WASHC4: variants seen among roughly 807,000 people sequenced by gnomAD.
WASHC4 encodes WASH complex subunit 4.
In WASHC4, 86 loss-of-function variants were observed where a neutral mutation model predicts 166.6. That is an observed-to-expected ratio of 0.52 (90% CI 0.43 to 0.62). WASHC4 has a LOEUF of 0.62. Among genes scored for constraint, WASHC4 ranks in the 20% least tolerant of loss-of-function variants. WASHC4 has a pLI of 0.00. For missense variants in WASHC4, 1,262 were observed against 1,382.4 expected, an observed-to-expected ratio of 0.91 and a Z score of 1.38; for synonymous variants, 446 against 451.6, an observed-to-expected ratio of 0.99 and a Z score of 0.16.
chr12:105,124,615 G>A (rs1036625422), intron 10 of WASHC4, among the ~76,000 whole-genome samples: 1 of 151,888 alleles, frequency 6.6e-6, no homozygotes, highest in Non-Finnish European at 1.5e-5. Flanking sequence ...CGAGTAGCTG[G>A]GATTACAGGC....
intron 22 of WASHC4, among the ~76,000 whole-genome samples, chr12:105,145,399 G>A (rs1158588929): frequency 6.6e-6 from 1 of 150,440 alleles, no homozygotes; most frequent in East Asian, 1.9e-4. Flanking sequence ...CAGATAATTT[G>A]CGTGGAGTTC....
At chr12:105,158,389 G>T (rs1320954289) in intron 28 of WASHC4, among the ~76,000 whole-genome samples, 1 of 152,124 alleles carries the variant, frequency 6.6e-6, no homozygotes, top group Non-Finnish European at 1.5e-5. Context: ...ACCAGTAATG[G>T]AGCAGACAGA....
rs1054455859 is a variant in WASHC4 at position 105,125,129 on chromosome 12, G to A, written c.787-875G>A. Reference sequence around the variant, plus strand: ...TACTTCAAGGTTACCTTTAGTTTATGTTTTACATGATCACAGTTTTTAACC... The same window carrying A: ...TACTTCAAGGTTACCTTTAGTTTATATTTTACATGATCACAGTTTTTAACC... On this transcript the variant is annotated intron_variant, in intron 10 of 32. Coordinates refer to ENST00000332180, the MANE Select transcript of WASHC4 (RefSeq NM_015275.3). Among the ~76,000 whole-genome samples the A allele has an allele frequency of 4.6e-5, 7 of 152,216 alleles. 1 individual carries two copies. The highest frequency in any genetic ancestry group is 1.3e-4 in the Admixed American group (2 of 15,304).
intron 26 of WASHC4, among the ~76,000 whole-genome samples, chr12:105,155,415 G>C (rs1259097043): frequency 6.6e-6 from 1 of 152,114 alleles, no homozygotes; most frequent in Non-Finnish European, 1.5e-5. Flanking sequence ...TTGAGAAATA[G>C]GGGCTGGAAT....
At chr12:105,124,904 ATAAAT>A (rs951819254) in intron 10 of WASHC4, among the ~76,000 whole-genome samples, 1 of 152,220 alleles carries the variant, frequency 6.6e-6, no homozygotes, top group Non-Finnish European at 1.5e-5. Context: ...TTAAATGTAA[ATAAAT>A]TAAAATGAAA....
rs1336902570 is a variant in WASHC4 at position 105,107,765 on chromosome 12, C to T, written c.-36C>T. 8 of 1,508,646 alleles carry T rather than the reference C, an allele frequency of 5.3e-6. No homozygotes were observed. Among genetic ancestry groups the T allele is most frequent in the Admixed American group, 2.0e-5 (1 of 50,524 alleles). The allele number at this position is 1,508,646 out of a possible 1,614,324, so 93.5% of individuals were successfully genotyped here. On this transcript the variant is annotated 5_prime_UTR_variant, in exon 1 of 33. Transcript: ENST00000332180. ...GGTGAGGCCGTCGTCGCCGCACGGG[C>T]TGGTTGGGGCTGTGTCTGTGGGAGG...
intron 15 of WASHC4, among the ~76,000 whole-genome samples, chr12:105,139,888 T>G (rs1882672041): frequency 6.7e-6 from 1 of 149,278 alleles, no homozygotes; most frequent in African/African-American, 2.4e-5. Context: ...CTTTGTAAGT[T>G]TTTTTTTTTT....
At chr12:105,147,743 TA>T in intron 24 of WASHC4, 1 of 359,682 alleles carries the variant, frequency 2.8e-6, no homozygotes, top group Non-Finnish European at 3.9e-6. Context: ...CCATCTCTAC[TA>T]AAAATACAAA....
chr12:105,141,637 C>A (rs1031511270), intron 18 of WASHC4, among the ~76,000 whole-genome samples: 1 of 152,144 alleles, frequency 6.6e-6, no homozygotes, highest in Non-Finnish European at 1.5e-5. Context: ...TTTTAAGACA[C>A]GAATTTGAAT....
rs371339591 is a variant in WASHC4, at chr12:105,118,494, G to A, written c.484G>A (p.Val162Ile). 3.3e-5 allele frequency: 54 copies of A among 1,613,410 alleles called. No homozygotes were observed. Among genetic ancestry groups the A allele is most frequent in the Non-Finnish European group, 4.4e-5 (52 of 1,179,458 alleles). Residue 162 changes from valine to isoleucine, a missense_variant, in exon 7 of 33, where the codon GTC (valine) becomes ATC (isoleucine). Val to Ile is a conservative substitution (Grantham distance 29, BLOSUM62 3). Coordinates refer to ENST00000332180, the MANE Select transcript of WASHC4 (RefSeq NM_015275.3). ...GTGCTATGAAGTGGTGATGAACGTA[G>A]TCCACCAGTTGGCTGCCCTCTATAT... ...TRCYEVVMNV[V>I]HQLAALYISN...
intron 26 of WASHC4, 60 bp downstream of exon 26, chr12:105,152,511 A>G (rs1376879869): frequency 4.3e-6 from 4 of 932,078 alleles, no homozygotes; most frequent in Non-Finnish European, 7.1e-6. Flanking sequence ...TATCTCATAT[A>G]TTAACTATTT....
chr12:105,156,989 CTT>C (rs750368674), intron 27 of WASHC4, among the ~76,000 whole-genome samples, 197 bp downstream of exon 27: 33 of 152,156 alleles, frequency 2.2e-4, no homozygotes, highest in Non-Finnish European at 4.6e-4. Flanking sequence ...AAATATTTCT[CTT>C]AAGTTAATTT....
In WASHC4 at chr12:105,120,967, T is replaced by TA. The variant is rs1487306627; in HGVS notation, c.562-133dup. ...TAGTCCTTTCTGAGGATCCAACCTG[T>TA]AGCTGAATAAATTGATTTACCCACT... On this transcript the variant is annotated intron_variant, in intron 8 of 32. Transcript: ENST00000332180. 4.3e-6 allele frequency: 3 copies of TA among 695,460 alleles called. No homozygotes were observed. The East Asian group carries it at 8.1e-5, about 19-fold the overall frequency. The allele number at this position is 695,460 out of a possible 1,614,324, so 43.1% of individuals were successfully genotyped here. A position where few individuals can be genotyped will look rare whatever the true frequency, so the allele number is the denominator to read the frequency against.
intron 7 of WASHC4, among the ~76,000 whole-genome samples, chr12:105,119,133 A>G (rs1880476067): frequency 6.6e-6 from 1 of 152,148 alleles, no homozygotes; most frequent in African/African-American, 2.4e-5. Flanking sequence ...AACAGAAAGG[A>G]AAAGATTGAG....
chr12:105,142,716 TTA>T (rs1183213953), intron 19 of WASHC4, among the ~76,000 whole-genome samples, 158 bp downstream of exon 19: 1 of 152,120 alleles, frequency 6.6e-6, no homozygotes, highest in Non-Finnish European at 1.5e-5. Flanking sequence ...TAGTTAAATT[TTA>T]TGTTACTGTT....
chr12:105,107,957 C>T (rs1320791348), intron 1 of WASHC4, 96 bp downstream of exon 1: 1 of 914,456 alleles, frequency 1.1e-6, no homozygotes, highest in East Asian at 2.6e-5. Context: ...GACGGCTGCG[C>T]AGCCGTCTGG....
At position 105,167,894 on chromosome 12, in the gene WASHC4, A is replaced by C. The variant is rs1280270138; in HGVS notation, c.*963A>C. On this transcript the variant is annotated 3_prime_UTR_variant, in exon 33 of 33. Transcript: ENST00000332180. ...TGAGAATAAAGCGCTAGCAAGATAC[A>C]TCACTTACTGATTTTAAAAATACAG... 1 of 152,506 alleles carries C rather than the reference A, an allele frequency of 6.6e-6. No individual in the cohort carries two copies. The highest frequency in any genetic ancestry group is 1.5e-5 in the Non-Finnish European group (1 of 67,962). 9.4% of individuals were successfully genotyped at this position (152,506 alleles called of 1,614,324 possible).
intron 24 of WASHC4, chr12:105,147,530 C>T: frequency 2.3e-6 from 2 of 860,058 alleles, no homozygotes; most frequent in Non-Finnish European, 2.9e-6. Flanking sequence ...GTTATTTATG[C>T]CCTTTTTGGG....
At chr12:105,135,253 C>T (rs1882208308) in intron 14 of WASHC4, among the ~76,000 whole-genome samples, 1 of 151,994 alleles carries the variant, frequency 6.6e-6, no homozygotes, top group South Asian at 2.1e-4. Context: ...ATTCTTCCTA[C>T]ATCTCTTAAT....
Sources: allele counts gnomAD v4.1 joint callset (sites outside exome capture counted in the v4.1 genomes callset), GRCh38; gene constraint gnomAD v4.1.1; transcripts MANE v1.5; gene names NCBI Gene and HGNC (gene_info 2026-07-23, HGNC 2026-07-21).